Variants in ZFPM2 observed in about 807,000 individuals in gnomAD.
The protein encoded by ZFPM2 is zinc finger protein, FOG family member 2, also known as zinc finger protein ZFPM2.
In ZFPM2, 20 loss-of-function variants were observed where a neutral mutation model predicts 98.6. The ratio of observed to expected loss-of-function variants is 0.20; its 90% confidence interval spans 0.14 to 0.29. The LOEUF is 0.29. Ranked by LOEUF, ZFPM2 falls within the 10% of genes least tolerant of loss-of-function variation. The pLI is 1.00. For synonymous variants in ZFPM2, 518 were observed against 502.7 expected (o/e 1.03, Z -0.41); for missense variants, 1,310 against 1,388.6 (o/e 0.94, Z 0.90).
At chr8:105,653,908 C>T (rs1817234175) in intron 5 of ZFPM2, among the ~76,000 whole-genome samples, 1 of 99,442 alleles carries the variant, frequency 1.0e-5, no homozygotes, top group Non-Finnish European at 1.8e-5. Context: ...CTCATTCCCA[C>T]AAATGGGATT....
intron 5 of ZFPM2, among the ~76,000 whole-genome samples, chr8:105,703,640 T>TCATTA: frequency 6.6e-6 from 1 of 152,178 alleles, no homozygotes; most frequent in Non-Finnish European, 1.5e-5. Context: ...GGCTGGGCCT[T>TCATTA]CATTACATAT....
intron 4 of ZFPM2, among the ~76,000 whole-genome samples, chr8:105,589,019 T>A (rs1157678376): frequency 2.6e-5 from 4 of 152,212 alleles, no homozygotes; most frequent in Non-Finnish European, 5.9e-5. Flanking sequence ...AAACCTTTAG[T>A]AACTCAAAAC....
chr8:105,476,766 C>T (rs1813020070), intron 3 of ZFPM2, among the ~76,000 whole-genome samples: 2 of 151,358 alleles, frequency 1.3e-5, no homozygotes, highest in Admixed American at 6.6e-5. Flanking sequence ...TTAAAAATAT[C>T]CTCTTTTAAA....
intron 5 of ZFPM2, among the ~76,000 whole-genome samples, chr8:105,696,904 A>C (rs896905596): frequency 2.0e-5 from 3 of 152,192 alleles, no homozygotes; most frequent in African/African-American, 7.2e-5. Flanking sequence ...CTAAATATAA[A>C]TCAGATAAAT....
chr8:105,649,967 T>A (rs1238860305), intron 5 of ZFPM2, among the ~76,000 whole-genome samples: 1 of 152,198 alleles, frequency 6.6e-6, no homozygotes, highest in Non-Finnish European at 1.5e-5. Context: ...TACCAGCTCC[T>A]CCTTTTACCT....
chr8:105,688,814 G>A (rs1464305842), intron 5 of ZFPM2, among the ~76,000 whole-genome samples: 2 of 152,088 alleles, frequency 1.3e-5, no homozygotes, highest in African/African-American at 4.8e-5. Context: ...TCTCTATCAT[G>A]TACTTAGCAA....
chr8:105,661,222 G>T (rs1196556047), intron 5 of ZFPM2, among the ~76,000 whole-genome samples: 2 of 152,004 alleles, frequency 1.3e-5, no homozygotes, highest in Non-Finnish European at 2.9e-5. Context: ...ATTGTCTCTT[G>T]GCAACCCAGA....
chr8:105,440,842 G>A (rs1159665115), intron 2 of ZFPM2, among the ~76,000 whole-genome samples: 6 of 152,108 alleles, frequency 3.9e-5, no homozygotes, highest in Non-Finnish European at 7.4e-5. Context: ...CAGTGCCTCC[G>A]GTGGCTGAAC....
intron 4 of ZFPM2, among the ~76,000 whole-genome samples, chr8:105,582,436 G>A (rs1173860843): frequency 2.0e-4 from 30 of 152,192 alleles, no homozygotes; most frequent in Admixed American, 2.0e-3. Flanking sequence ...ATCTAGTTGA[G>A]AGAGGCCAGA....
intron 1 of ZFPM2, among the ~76,000 whole-genome samples, chr8:105,384,558 G>T (rs1418718172): frequency 6.6e-6 from 1 of 151,900 alleles, no homozygotes; most frequent in East Asian, 1.9e-4. Context: ...CAGACTCATT[G>T]CCTTTCCTGA....
chr8:105,375,506 C>T (rs1490259943), intron 1 of ZFPM2, among the ~76,000 whole-genome samples: 12 of 152,098 alleles, frequency 7.9e-5, no homozygotes, highest in Admixed American at 7.2e-4. Flanking sequence ...AAGAGAGAAT[C>T]GCACCTTTCT....
chr8:105,647,149 G>A (rs1238699994), intron 5 of ZFPM2, among the ~76,000 whole-genome samples: 1 of 152,142 alleles, frequency 6.6e-6, no homozygotes, highest in African/African-American at 2.4e-5. Flanking sequence ...AGCTCTTCAA[G>A]TACTTAGATT....
intron 1 of ZFPM2, among the ~76,000 whole-genome samples, chr8:105,398,904 G>T (rs532925377): frequency 6.6e-6 from 1 of 152,274 alleles, no homozygotes; most frequent in African/African-American, 2.4e-5. Flanking sequence ...GGATAGACTG[G>T]CTGAGGCAGT....
intron 5 of ZFPM2, among the ~76,000 whole-genome samples, chr8:105,645,834 A>G (rs1262061266): frequency 1.3e-5 from 2 of 152,100 alleles, no homozygotes; most frequent in Non-Finnish European, 2.9e-5. Flanking sequence ...CAGACGGATC[A>G]TAAGGTCAAG....
intron 3 of ZFPM2, among the ~76,000 whole-genome samples, chr8:105,559,480 T>C (rs1481363982): frequency 6.6e-6 from 1 of 152,050 alleles, no homozygotes; most frequent in Non-Finnish European, 1.5e-5. Flanking sequence ...AAAGAAAGAG[T>C]ATGAGAAGAA....
intron 4 of ZFPM2, among the ~76,000 whole-genome samples, chr8:105,633,376 G>A (rs564070289): frequency 1.1e-4 from 17 of 152,220 alleles, no homozygotes; most frequent in South Asian, 2.1e-4. Context: ...AGTGAATGCC[G>A]GTTCACGGTG....
chr8:105,700,715 G>T (rs1396090325), intron 5 of ZFPM2, among the ~76,000 whole-genome samples: 1 of 151,820 alleles, frequency 6.6e-6, no homozygotes, highest in Non-Finnish European at 1.5e-5. Flanking sequence ...CCTGCCTCAG[G>T]CTCCTGAGTA....
At chr8:105,554,045 G>A (rs1714807853) in intron 3 of ZFPM2, among the ~76,000 whole-genome samples, 1 of 152,110 alleles carries the variant, frequency 6.6e-6, no homozygotes, top group South Asian at 2.1e-4. Flanking sequence ...CGTATTTCAA[G>A]TTTATGTTCA....
chr8:105,693,325 T>C (rs2130941981), intron 5 of ZFPM2, among the ~76,000 whole-genome samples: 1 of 152,108 alleles, frequency 6.6e-6, no homozygotes, highest in South Asian at 2.1e-4. Flanking sequence ...CGTGCATTGG[T>C]GCAGGCTATT....
Sources: allele counts gnomAD v4.1 joint callset (sites outside exome capture counted in the v4.1 genomes callset), GRCh38; gene constraint gnomAD v4.1.1; transcripts MANE v1.5; gene names NCBI Gene and HGNC (gene_info 2026-07-23, HGNC 2026-07-21).